Variants in SUSD6 observed in about 807,000 individuals in gnomAD.
SUSD6 encodes the protein sushi domain containing 6.
Under a neutral mutation model 28.4 loss-of-function variants are expected in SUSD6, and 16 were observed. The ratio of observed to expected loss-of-function variants is 0.56; its 90% CI spans 0.38 to 0.86. The LOEUF is 0.86. SUSD6 is among the 40% of genes least tolerant of loss of function. The pLI, the probability that SUSD6 is intolerant of heterozygous loss-of-function variation, is 0.00. For synonymous variants in SUSD6, 147 were observed against 159.6 expected, an observed-to-expected ratio of 0.92 and a Z score of 0.59; for missense variants, 341 against 384.2, an observed-to-expected ratio of 0.89 and a Z score of 0.94.
chr14:69,650,877 T>C (rs1161974930), intron 1 of SUSD6, among the ~76,000 whole-genome samples: 1 of 152,208 alleles, frequency 6.6e-6, no homozygotes, highest in African/African-American at 2.4e-5. Context: ...AAGTGGACTG[T>C]CCTGGGTTTG....
At chr14:69,645,428 G>A (rs988998839) in intron 1 of SUSD6, among the ~76,000 whole-genome samples, 5 of 152,218 alleles carry the variant, frequency 3.3e-5, no homozygotes, top group Non-Finnish European at 5.9e-5. Flanking sequence ...AATTTCAGGG[G>A]AGGGGATGAT....
At chr14:69,689,619 G>T (rs940572853) in intron 2 of SUSD6, among the ~76,000 whole-genome samples, 1 of 152,164 alleles carries the variant, frequency 6.6e-6, no homozygotes, top group Non-Finnish European at 1.5e-5. Context: ...AATTTGTTAG[G>T]AAAGTGAAAC....
chr14:69,658,113 CT>C (rs1310661211), intron 1 of SUSD6, among the ~76,000 whole-genome samples: 2 of 152,222 alleles, frequency 1.3e-5, no homozygotes, highest in Non-Finnish European at 1.5e-5. Context: ...TGTTCTCTCT[CT>C]TTTTTTCCTT....
At chr14:69,667,377 T>A (rs1238615244) in intron 2 of SUSD6, among the ~76,000 whole-genome samples, 1 of 138,822 alleles carries the variant, frequency 7.2e-6, no homozygotes, top group African/African-American at 2.7e-5. Context: ...TTTCTTTTTT[T>A]TTTTTTTTTT....
chr14:69,687,609 T>C (rs1018619100), intron 2 of SUSD6, among the ~76,000 whole-genome samples: 4 of 152,250 alleles, frequency 2.6e-5, no homozygotes, highest in Non-Finnish European at 5.9e-5. Context: ...AGAGTTGTTA[T>C]GTATGTGCTT....
At chr14:69,693,234 G>A (rs73281568) in intron 2 of SUSD6, among the ~76,000 whole-genome samples, 2,171 of 152,252 alleles carry the variant, frequency 0.014, 55 homozygotes, top group African/African-American at 0.047. Flanking sequence ...GCAGGATAAA[G>A]GAGAATGGTC....
intron 4 of SUSD6, among the ~76,000 whole-genome samples, chr14:69,707,208 A>G (rs1886398697): frequency 6.6e-6 from 1 of 152,186 alleles, no homozygotes; most frequent in South Asian, 2.1e-4. Context: ...TATTACACCA[A>G]TGTTAAATTT....
At chr14:69,679,869 A>T (rs1037350606) in intron 2 of SUSD6, among the ~76,000 whole-genome samples, 1 of 152,178 alleles carries the variant, frequency 6.6e-6, no homozygotes, top group African/African-American at 2.4e-5. Context: ...AAGTATTTTT[A>T]TGGGTGGCGT....
At chr14:69,657,122 G>C (rs181467781) in intron 1 of SUSD6, among the ~76,000 whole-genome samples, 27 of 152,306 alleles carry the variant, frequency 1.8e-4, no homozygotes, top group Admixed American at 1.2e-3. Context: ...CTCTTTAGGA[G>C]GGGAGAGTAG....
chr14:69,613,248 C>G (rs1003375987), intron 1 of SUSD6, among the ~76,000 whole-genome samples: 1 of 152,180 alleles, frequency 6.6e-6, no homozygotes, highest in East Asian at 1.9e-4. Context: ...TATCCCCATT[C>G]TTCTAGTTGA....
rs6573896 is a variant in SUSD6 at position 69,653,837 on chromosome 14, A to C, written c.-80-4676A>C. On this transcript the variant is annotated intron_variant, in intron 1 of 5. Transcript: ENST00000342745. ...TTAAATTCTATATTCAAGGCAGATT[A>C]TTTCTTAAAATGATTAGATTTATAC... 7.9e-3 allele frequency among the ~76,000 whole-genome samples: 1,109 copies of C among 139,650 alleles called. 15 individuals are homozygous for C. The highest frequency in any genetic ancestry group is 0.028 in the African/African-American group (1,041 of 37,566). The allele number at this position is 139,650 out of a possible 152,430, so 91.6% of individuals were successfully genotyped here.
chr14:69,647,095 A>AATGG (rs1433601044), intron 1 of SUSD6, among the ~76,000 whole-genome samples: 2 of 152,258 alleles, frequency 1.3e-5, no homozygotes, highest in African/African-American at 2.4e-5. Flanking sequence ...TGAATGAATG[A>AATGG]ATGGATGGAT....
At chr14:69,615,769 C>A (rs1884950822) in intron 1 of SUSD6, 1 of 152,206 alleles carries the variant, frequency 6.6e-6, no homozygotes, top group Non-Finnish European at 1.5e-5. Context: ...TGTGGTGTTG[C>A]CTGTGATGTA....
chr14:69,660,709 A>G (rs1259898126), intron 2 of SUSD6, among the ~76,000 whole-genome samples: 1 of 152,258 alleles, frequency 6.6e-6, no homozygotes, highest in Non-Finnish European at 1.5e-5. Flanking sequence ...TTAACTGTTT[A>G]TATTTTTAAA....
At chr14:69,675,974 C>T (rs1053051953) in intron 2 of SUSD6, among the ~76,000 whole-genome samples, 4 of 152,088 alleles carry the variant, frequency 2.6e-5, no homozygotes, top group Admixed American at 2.0e-4. Flanking sequence ...ACTTCCCATG[C>T]TATTGTCTTT....
At chr14:69,684,545 GT>G (rs1886043978) in intron 2 of SUSD6, among the ~76,000 whole-genome samples, 2 of 152,352 alleles carry the variant, frequency 1.3e-5, no homozygotes, top group South Asian at 4.1e-4. Flanking sequence ...ATACTGCCCA[GT>G]TTTCTTAATG....
At chr14:69,668,343 G>C (rs1245885313) in intron 2 of SUSD6, among the ~76,000 whole-genome samples, 1 of 152,098 alleles carries the variant, frequency 6.6e-6, no homozygotes, top group Non-Finnish European at 1.5e-5. Flanking sequence ...TAGTTTGAAA[G>C]TATATCCCCA....
chr14:69,646,161 T>C (rs1420134630), intron 1 of SUSD6, among the ~76,000 whole-genome samples: 2 of 152,214 alleles, frequency 1.3e-5, no homozygotes, highest in Non-Finnish European at 2.9e-5. Flanking sequence ...AGTGGGCCTT[T>C]TTCAGTCTTC....
At chr14:69,621,286 GTAT>G (rs1245664608) in intron 1 of SUSD6, among the ~76,000 whole-genome samples, 1 of 152,168 alleles carries the variant, frequency 6.6e-6, no homozygotes, top group Non-Finnish European at 1.5e-5. Context: ...TGAAAGAGTG[GTAT>G]TATTGATGAA....
Sources: allele counts gnomAD v4.1 joint callset (sites outside exome capture counted in the v4.1 genomes callset), GRCh38; gene constraint gnomAD v4.1.1; transcripts MANE v1.5; gene names NCBI Gene and HGNC (gene_info 2026-07-23, HGNC 2026-07-21).